The following SEC31B variants were observed in gnomAD, a reference collection of about 807,000 sequenced individuals.
SEC31B encodes the protein protein transport protein Sec31B.
SEC31B carries 113 observed loss-of-function variants against 135.0 expected under a neutral mutation model. The ratio of observed to expected loss-of-function variants is 0.84; its 90% CI spans 0.72 to 0.98. SEC31B has a LOEUF of 0.98. SEC31B is among the 50% of genes least tolerant of loss of function. SEC31B has a pLI of 0.00. For missense variants in SEC31B, 1,296 were observed against 1,421.1 expected (o/e 0.91, Z 1.42); for synonymous variants, 508 against 549.4 (o/e 0.92, Z 1.05).
At chr10:100,519,445 C>T (rs1851910100) in intron 1 of SEC31B, among the ~76,000 whole-genome samples, 1 of 152,256 alleles carries the variant, frequency 6.6e-6, no homozygotes, top group Admixed American at 6.5e-5. Context: ...TCAGCAATGA[C>T]AGACCTTCCC....
Position 100,489,688 on chromosome 10 carries a change from G to A in SEC31B, c.3024+15C>T. On this transcript the variant is annotated intron_variant, in intron 22 of 25. Coordinates refer to ENST00000370345, the MANE Select transcript of SEC31B (RefSeq NM_015490.4). ...GTGAATGTGCGAGGGAGTGGGTAGG[G>A]AAAGATGCATTGACCTTGTTCCTCT... The A allele has an allele frequency of 6.2e-7, 1 of 1,614,200 alleles. No individual in the cohort carries two copies. Among genetic ancestry groups the A allele is most frequent in the Non-Finnish European group, 8.5e-7 (1 of 1,180,032 alleles).
intron 3 of SEC31B, among the ~76,000 whole-genome samples, chr10:100,515,528 C>T (rs982308582): frequency 1.3e-5 from 2 of 152,128 alleles, no homozygotes; most frequent in African/African-American, 2.4e-5. Context: ...GTTTCAGTTC[C>T]CTCCTATGTA....
intron 19 of SEC31B, 136 bp downstream of exon 19, chr10:100,495,249 A>T (rs979772583): frequency 1.9e-5 from 16 of 848,612 alleles, no homozygotes; most frequent in Non-Finnish European, 3.0e-5. Context: ...GTTATTTATT[A>T]TAAAAAGAAC....
intron 7 of SEC31B, among the ~76,000 whole-genome samples, chr10:100,506,869 C>G (rs548313958): frequency 1.3e-5 from 2 of 152,028 alleles, no homozygotes; most frequent in Admixed American, 1.3e-4. Context: ...CAAGGCCGAG[C>G]GGGGAGGATC....
intron 7 of SEC31B, among the ~76,000 whole-genome samples, chr10:100,506,929 C>A (rs1173308557): frequency 6.6e-6 from 1 of 152,122 alleles, no homozygotes; most frequent in African/African-American, 2.4e-5. Flanking sequence ...CACGCTACTG[C>A]ACTCCAGCCT....
intron 19 of SEC31B, among the ~76,000 whole-genome samples, chr10:100,493,873 A>G (rs961274454): frequency 6.6e-6 from 1 of 151,988 alleles, no homozygotes; most frequent in East Asian, 1.9e-4. Context: ...TGTTGTTGGG[A>G]TGCAGGAGAC....
chr10:100,502,573 G>T, intron 10 of SEC31B, 89 bp from the exon 11 acceptor site: 1 of 771,636 alleles, frequency 1.3e-6, no homozygotes, highest in South Asian at 1.8e-5. Flanking sequence ...CTATCTAATG[G>T]CTGACCCTAG....
intron 1 of SEC31B, among the ~76,000 whole-genome samples, chr10:100,517,993 C>A (rs1477902566): frequency 6.6e-6 from 1 of 152,202 alleles, no homozygotes; most frequent in African/African-American, 2.4e-5. Flanking sequence ...TCATCTCTCA[C>A]CTGGAGTACT....
intron 19 of SEC31B, 116 bp from the exon 20 acceptor site, chr10:100,490,999 A>G (rs1241998054): frequency 3.2e-6 from 2 of 630,594 alleles, no homozygotes; most frequent in Non-Finnish European, 4.7e-6. Flanking sequence ...GAGGAAAAAA[A>G]TCAATAAAAT....
Position 100,490,245 on chromosome 10 carries a change from G to C in SEC31B, c.2728C>G (p.Leu910Val), listed in dbSNP as rs1364794482. The C allele has an allele frequency of 9.9e-6, 16 of 1,613,872 alleles. No individual in the cohort carries two copies. The highest frequency in any genetic ancestry group is 1.3e-5 in the African/African-American group (1 of 75,026). Residue 910 changes from leucine (L) to valine (V), a missense_variant, in exon 21 of 26, where the codon CTT (leucine) becomes GTT (valine). Physicochemically the swap from Leu to Val is conservative, Grantham distance 32. Transcript: ENST00000370345. ...NPVGFPGTWP[L>V]PGSPLPMACP... ...GCCATGGGTAGAGGGGAACCAGGAA[G>C]AGGCCATGTCCCAGGGAATCCCACC...
intron 1 of SEC31B, 59 bp from the exon 2 acceptor site, chr10:100,517,056 GTTC>G: frequency 1.2e-6 from 1 of 804,974 alleles, no homozygotes; most frequent in Admixed American, 2.1e-5. Flanking sequence ...GCGGACAAGA[GTTC>G]TTGTTTGTCT....
intron 3 of SEC31B, among the ~76,000 whole-genome samples, chr10:100,510,284 C>A (rs1236710844): frequency 1.3e-5 from 2 of 152,264 alleles, no homozygotes; most frequent in South Asian, 4.1e-4. Flanking sequence ...CCATGCCTCT[C>A]CCATGTGGCT....
At position 100,499,580 on chromosome 10, in the gene SEC31B, A is replaced by G; in HGVS notation, c.1429T>C (p.Ser477Pro). ...AAAAGCTTTAGGAATTTCATTCTGG[A>G]GTCTTGCTCTAAGGTCACCTAAGAA... ...QFLKVTLEQD[S>P]RMKFLKLLGY... Residue 477 changes from serine (S) to proline (P), a missense_variant, in exon 12 of 26, where the codon TCC (serine) becomes CCC (proline). Transcript: ENST00000370345. The G allele has an allele frequency of 6.2e-7, 1 of 1,611,644 alleles. No individual in the cohort carries two copies. The highest frequency in any genetic ancestry group is 1.1e-5 in the South Asian group (1 of 90,352).
In SEC31B at chr10:100,505,502, G is replaced by A. The variant is rs1851613115; in HGVS notation, c.1045-7C>T. On this transcript the variant is annotated splice_polypyrimidine_tract_variant and splice_region_variant and intron_variant, in intron 9 of 25. Coordinates refer to ENST00000370345, the MANE Select transcript of SEC31B (RefSeq NM_015490.4). ...TGCTGAAGGAAGAGGAGATCTGGGG[G>A]GAAAAGACACCTGCATCGCCATCCT... is the stretch of plus-strand genomic sequence containing the variant. The A allele has an allele frequency of 1.3e-6, 2 of 1,514,662 alleles. No homozygotes were observed. The highest frequency in any genetic ancestry group is 2.7e-5 in the South Asian group (2 of 74,704). The allele number at this position is 1,514,662 out of a possible 1,614,324, so 93.8% of individuals were successfully genotyped here. A position where few individuals can be genotyped will look rare whatever the true frequency, so the allele number is the denominator to read the frequency against.
At chr10:100,502,634 G>A (rs1291076857) in intron 10 of SEC31B, 150 bp from the exon 11 acceptor site, 7 of 617,698 alleles carry the variant, frequency 1.1e-5, no homozygotes, top group Non-Finnish European at 2.0e-5. Context: ...AATAGGATCA[G>A]GAATTTAGTA....
chr10:100,508,001 G>A lies in SEC31B; in HGVS notation c.546C>T (p.His182=). 1 of 1,614,236 alleles carries A rather than the reference G, an allele frequency of 6.2e-7. No homozygotes were observed. The highest frequency in any genetic ancestry group is 1.1e-5 in the South Asian group (1 of 91,088). ...CACTGGGGTGAGCAGAAGACAGAAT[G>A]TGTTGGGCTTGCCGGTTCCAAGACA... ...KALSWNRQAQ[H]ILSSAHPSGK... The change falls in exon 6 of 26, where the codon CAC becomes CAT. Residue 182 remains histidine, a synonymous_variant. Coordinates refer to ENST00000370345, the MANE Select transcript of SEC31B (RefSeq NM_015490.4).
intron 11 of SEC31B, chr10:100,500,142 T>A (rs1175605023): frequency 2.2e-6 from 1 of 456,670 alleles, no homozygotes; most frequent in Non-Finnish European, 4.4e-6. Context: ...TCCTTGCACC[T>A]GAGCTGTCTC....
intron 19 of SEC31B, among the ~76,000 whole-genome samples, chr10:100,493,466 G>T (rs1483508711): frequency 6.6e-6 from 1 of 152,054 alleles, no homozygotes; most frequent in East Asian, 1.9e-4. Context: ...AGAACAACTT[G>T]AATGAACCTC....
chr10:100,489,791 G>A (rs1481049007), intron 21 of SEC31B, 30 bp from the exon 22 acceptor site: 1 of 1,613,258 alleles, frequency 6.2e-7, no homozygotes, highest in African/African-American at 1.3e-5. Context: ...AGGTTTTTCG[G>A]CGCATAGTGA....
Sources: allele counts gnomAD v4.1 joint callset (sites outside exome capture counted in the v4.1 genomes callset), GRCh38; gene constraint gnomAD v4.1.1; transcripts MANE v1.5; gene names NCBI Gene and HGNC (gene_info 2026-07-23, HGNC 2026-07-21).